TRIM24: variants seen among roughly 807,000 people sequenced by gnomAD.
The protein encoded by TRIM24 is transcription intermediary factor 1-alpha.
TRIM24 carries 29 observed loss-of-function variants against 123.9 expected under a neutral mutation model. The ratio of observed to expected loss-of-function variants is 0.23; its 90% CI spans 0.17 to 0.32. The LOEUF (loss-of-function observed/expected upper bound fraction) is 0.32, where lower values mean the gene tolerates loss of function less well. Ranked by LOEUF, TRIM24 falls within the 10% of genes least tolerant of loss-of-function variation. The pLI is 1.00. For synonymous variants in TRIM24, 456 were observed against 461.1 expected (o/e 0.99, Z 0.14); for missense variants, 932 against 1,295.3 (o/e 0.72, Z 4.31).
chr7:138,582,918 C>T (rs546161387), intron 17 of TRIM24, among the ~76,000 whole-genome samples: 55 of 152,300 alleles, frequency 3.6e-4, no homozygotes, highest in Non-Finnish European at 6.6e-4. Context: ...AGTCGAGAGG[C>T]TTGTAACAAC....
rs948533502 is a variant in TRIM24 at position 138,570,746 on chromosome 7, CT to C, written c.1705-82del. 8 of 1,385,106 alleles carry C rather than the reference CT, an allele frequency of 5.8e-6. No individual in the cohort carries two copies. The Admixed American group carries it at 1.2e-4, about 21-fold the overall frequency. 85.8% of individuals were successfully genotyped at this position (1,385,106 alleles called of 1,614,324 possible). A position where few individuals can be genotyped will look rare whatever the true frequency, so the allele number is the denominator to read the frequency against. On this transcript the variant is annotated intron_variant, in intron 10 of 18. Coordinates refer to ENST00000343526, the MANE Select transcript of TRIM24 (RefSeq NM_015905.3). The stretch of plus-strand genomic sequence containing the variant: ...TGTAAATTACAGTTGAACTCTTCTA[CT>C]TCATTTTGTGTGAGTGATTACATAG...
chr7:138,559,221 G>T (rs115530656), intron 9 of TRIM24, among the ~76,000 whole-genome samples: 3 of 152,152 alleles, frequency 2.0e-5, no homozygotes, highest in African/African-American at 7.2e-5. Flanking sequence ...GGCTCCCTGC[G>T]CACTCATAAT....
chr7:138,546,316 A>G (rs1237788725), intron 7 of TRIM24, among the ~76,000 whole-genome samples: 3 of 152,180 alleles, frequency 2.0e-5, no homozygotes, highest in Non-Finnish European at 2.9e-5. Context: ...AAGGCATAAA[A>G]TCTTCAAAAC....
intron 2 of TRIM24, among the ~76,000 whole-genome samples, chr7:138,508,700 C>CGCGCGCGTGCGTGTGT (rs1182276337): frequency 2.8e-5 from 1 of 35,510 alleles, no homozygotes; most frequent in Non-Finnish European, 8.0e-5. Flanking sequence ...TGTGCGCGCG[C>CGCGCGCGTGCGTGTGT]GTGTGTGCGT....
intron 9 of TRIM24, among the ~76,000 whole-genome samples, chr7:138,564,381 A>T (rs1797491180): frequency 6.6e-6 from 1 of 151,588 alleles, no homozygotes; most frequent in African/African-American, 2.4e-5. Flanking sequence ...TCTGAATCTG[A>T]CTCCTTGGGG....
At chr7:138,507,571 C>T (rs1054089785) in intron 2 of TRIM24, among the ~76,000 whole-genome samples, 5 of 151,694 alleles carry the variant, frequency 3.3e-5, no homozygotes, top group Admixed American at 6.6e-5. Flanking sequence ...GGTCCACCCA[C>T]CTCAGCCTCC....
intron 1 of TRIM24, among the ~76,000 whole-genome samples, chr7:138,481,154 G>A (rs755627854): frequency 1.3e-4 from 20 of 151,946 alleles, no homozygotes; most frequent in African/African-American, 3.9e-4. Flanking sequence ...CACTACGCCC[G>A]GCTAATTTTG....
At chr7:138,580,496 G>C in intron 15 of TRIM24, 66 bp from the exon 16 acceptor site, 1 of 1,548,532 alleles carries the variant, frequency 6.5e-7, no homozygotes, top group Non-Finnish European at 8.7e-7. Flanking sequence ...GAGGAGGTGG[G>C]AAAGGGAAAT....
At chr7:138,483,726 C>T (rs1286139473) in intron 1 of TRIM24, among the ~76,000 whole-genome samples, 2 of 152,088 alleles carry the variant, frequency 1.3e-5, no homozygotes, top group African/African-American at 2.4e-5. Context: ...GCACTTGGGA[C>T]GGAGTAAACA....
At chr7:138,491,122 G>C (rs1795771773) in intron 1 of TRIM24, 1 of 290,884 alleles carries the variant, frequency 3.4e-6, no homozygotes, top group African/African-American at 2.3e-5. Context: ...TAATCAGTTT[G>C]AATTTTCTAA....
At chr7:138,463,989 C>CTTTTGTTTTTT (rs1795072496) in intron 1 of TRIM24, among the ~76,000 whole-genome samples, 1 of 50,766 alleles carries the variant, frequency 2.0e-5, no homozygotes, top group Non-Finnish European at 3.6e-5. Flanking sequence ...AAAATTTAGA[C>CTTTTGTTTTTT]TTTTTTTTTT....
intron 6 of TRIM24, among the ~76,000 whole-genome samples, chr7:138,535,682 T>C (rs371890100): frequency 2.0e-5 from 3 of 152,188 alleles, no homozygotes; most frequent in Non-Finnish European, 4.4e-5. Context: ...GTGAATCTGA[T>C]AATTATGTGT....
intron 7 of TRIM24, among the ~76,000 whole-genome samples, chr7:138,549,601 A>T (rs1797169874): frequency 6.6e-6 from 1 of 152,188 alleles, no homozygotes; most frequent in Admixed American, 6.5e-5. Context: ...TACAAGCCTG[A>T]ACATAATGGT....
chr7:138,581,802 A>G (rs1256701709), intron 17 of TRIM24, 31 bp downstream of exon 17: 2 of 1,537,408 alleles, frequency 1.3e-6, no homozygotes, highest in South Asian at 2.3e-5. Flanking sequence ...CTGCATGTTT[A>G]CACAGTGGAA....
chr7:138,572,636 A>G (rs1459984489), intron 11 of TRIM24, among the ~76,000 whole-genome samples: 1 of 152,212 alleles, frequency 6.6e-6, no homozygotes, highest in African/African-American at 2.4e-5. Context: ...TAAGCAAGAA[A>G]TTGATTCATT....
chr7:138,569,014 A>G (rs1459041348), intron 10 of TRIM24, among the ~76,000 whole-genome samples: 3 of 152,208 alleles, frequency 2.0e-5, no homozygotes, highest in Non-Finnish European at 4.4e-5. Context: ...TTAAAATAAA[A>G]TTCATACCTA....
intron 1 of TRIM24, among the ~76,000 whole-genome samples, chr7:138,496,162 C>A (rs2116509489): frequency 6.6e-6 from 1 of 152,286 alleles, no homozygotes; most frequent in South Asian, 2.1e-4. Context: ...ATTGGGATTG[C>A]ATTGAATCTT....
chr7:138,577,564 A>G lies in TRIM24; in HGVS notation c.2232A>G (p.Ser744=). Residue 744 remains serine, a synonymous_variant, in exon 14 of 19, where the codon TCA becomes TCG. Coordinates refer to ENST00000343526, the MANE Select transcript of TRIM24 (RefSeq NM_015905.3). ...CTGTTGTTATAGTGAAGCAAGAATC[A>G]GATGAAGAATCTAGGCCTCAAAATG... ...DFPVVIVKQE[S]DEESRPQNAN... 2 of 1,607,790 alleles carry G rather than the reference A, an allele frequency of 1.2e-6. No individual in the cohort carries two copies. The highest frequency in any genetic ancestry group is 1.7e-6 in the Non-Finnish European group (2 of 1,177,432).
chr7:138,508,694 C>CGCGCGCGCGT (rs1376359515), intron 2 of TRIM24, among the ~76,000 whole-genome samples: 3 of 30,678 alleles, frequency 9.8e-5, no homozygotes, highest in Non-Finnish European at 1.7e-4. Flanking sequence ...TGTGTGTGTG[C>CGCGCGCGCGT]GCGCGCGTGT....
Sources: allele counts gnomAD v4.1 joint callset (sites outside exome capture counted in the v4.1 genomes callset), GRCh38; gene constraint gnomAD v4.1.1; transcripts MANE v1.5; gene names NCBI Gene and HGNC (gene_info 2026-07-23, HGNC 2026-07-21).